ACTR2: variants seen among roughly 807,000 people sequenced by gnomAD.
ACTR2 encodes the protein actin related protein 2.
Under a neutral mutation model 50.2 loss-of-function variants are expected in ACTR2, and 5 were observed. The observed-to-expected ratio is 0.10, with a 90% CI of 0.05 to 0.21. ACTR2 has a LOEUF of 0.21. Ranked by LOEUF, ACTR2 falls within the 10% of genes least tolerant of loss-of-function variation. The probability of loss-of-function intolerance (pLI) is 1.00; values close to 1 mark genes in which losing one functional copy is unlikely to be tolerated. For missense variants in ACTR2, 180 were observed against 480.6 expected, an observed-to-expected ratio of 0.37 and a Z score of 5.85; for synonymous variants, 140 against 162.9, an observed-to-expected ratio of 0.86 and a Z score of 1.07.
chr2:65,247,438 A>C (rs1169465719), intron 3 of ACTR2, among the ~76,000 whole-genome samples: 1 of 151,954 alleles, frequency 6.6e-6, no homozygotes, highest in African/African-American at 2.4e-5. Flanking sequence ...AATACAAAAA[A>C]TTAGCCGGGC....
In ACTR2 at chr2:65,255,532, T is replaced by C; in HGVS notation, c.586-13T>C. ...AGATGTATTATGAACTTATTGCTAT[T>C]GTTTTGTACCAGCTACTTCTGTTGC... On this transcript the variant is annotated splice_polypyrimidine_tract_variant and intron_variant, in intron 5 of 8. Coordinates refer to ENST00000260641, the MANE Select transcript of ACTR2 (RefSeq NM_005722.4). 1 of 1,608,576 alleles carries C rather than the reference T, an allele frequency of 6.2e-7. No homozygotes were observed. Among genetic ancestry groups the C allele is most frequent in the Non-Finnish European group, 8.5e-7 (1 of 1,177,006 alleles).
At chr2:65,265,534 T>G (rs1181033739) in intron 8 of ACTR2, among the ~76,000 whole-genome samples, 1 of 152,248 alleles carries the variant, frequency 6.6e-6, no homozygotes, top group African/African-American at 2.4e-5. Flanking sequence ...GGATATGCAA[T>G]CAGCCTTCAG....
chr2:65,257,299 A>C (rs186628042), intron 6 of ACTR2, among the ~76,000 whole-genome samples: 1 of 152,124 alleles, frequency 6.6e-6, no homozygotes, highest in African/African-American at 2.4e-5. Context: ...TTATGGCTGC[A>C]TAGTATTCCA....
intron 1 of ACTR2, among the ~76,000 whole-genome samples, chr2:65,235,795 C>G (rs1382839859): frequency 1.3e-5 from 2 of 152,030 alleles, no homozygotes; most frequent in Non-Finnish European, 2.9e-5. Context: ...TTGTATTATA[C>G]TTTTAGAAAT....
intron 7 of ACTR2, among the ~76,000 whole-genome samples, chr2:65,264,496 A>G (rs555965936): frequency 6.6e-6 from 1 of 152,320 alleles, no homozygotes; most frequent in African/African-American, 2.4e-5. Context: ...GATCTCATAG[A>G]TATCAGAATA....
intron 3 of ACTR2, among the ~76,000 whole-genome samples, chr2:65,250,014 T>A (rs1220690774): frequency 6.6e-6 from 1 of 152,186 alleles, no homozygotes; most frequent in Non-Finnish European, 1.5e-5. Flanking sequence ...TGGCCCAGAT[T>A]GAGGGAGGGG....
At chr2:65,237,657 C>G (rs1671765801) in intron 1 of ACTR2, among the ~76,000 whole-genome samples, 1 of 152,090 alleles carries the variant, frequency 6.6e-6, no homozygotes. Flanking sequence ...TCCAGACCAG[C>G]CCGTGCAACA....
intron 2 of ACTR2, among the ~76,000 whole-genome samples, chr2:65,243,112 C>G (rs1248493027): frequency 6.6e-6 from 1 of 152,062 alleles, no homozygotes; most frequent in Admixed American, 6.6e-5. Context: ...AGCCCCATCT[C>G]TACTAAAAAT....
chr2:65,264,432 G>A (rs1450784014), intron 7 of ACTR2, among the ~76,000 whole-genome samples: 2 of 152,114 alleles, frequency 1.3e-5, no homozygotes, highest in African/African-American at 2.4e-5. Flanking sequence ...TCAGACCCTC[G>A]CTCAGATTCT....
At chr2:65,264,054 T>C (rs1399323151) in intron 7 of ACTR2, among the ~76,000 whole-genome samples, 1 of 151,964 alleles carries the variant, frequency 6.6e-6, no homozygotes, top group Admixed American at 6.6e-5. Context: ...GACTCTGTAT[T>C]AAAAAATAAA....
chr2:65,239,746 A>C lies in ACTR2; in HGVS notation c.49-106A>C, dbSNP rs1156234282. The C allele has an allele frequency of 5.2e-6, 4 of 763,004 alleles. No homozygotes were observed. The African/African-American group carries it at 7.0e-5, about 13-fold the overall frequency. 47.3% of individuals were successfully genotyped at this position (763,004 alleles called of 1,614,324 possible). ...CTTCGGGTGGACTGAAAGCACCAAA[A>C]GTTTAAAATGTTATATAAATGCAAA... is the stretch of plus-strand genomic sequence containing the variant. On this transcript the variant is annotated intron_variant, in intron 1 of 8. Transcript: ENST00000260641.
At chr2:65,256,681 G>T (rs1672154563) in intron 6 of ACTR2, among the ~76,000 whole-genome samples, 1 of 152,116 alleles carries the variant, frequency 6.6e-6, no homozygotes, top group Non-Finnish European at 1.5e-5. Context: ...AGAACAGCCT[G>T]GCCAACATGG....
At chr2:65,251,743 A>T (rs1199443033) in intron 4 of ACTR2, among the ~76,000 whole-genome samples, 2 of 152,214 alleles carry the variant, frequency 1.3e-5, no homozygotes, top group African/African-American at 4.8e-5. Context: ...TCAAAAAGGT[A>T]GCATAAAATC....
In ACTR2 at chr2:65,239,939, A is replaced by G; in HGVS notation, c.136A>G (p.Lys46Glu). 2 of 1,608,926 alleles carry G rather than the reference A, an allele frequency of 1.2e-6. No individual in the cohort carries two copies. Among genetic ancestry groups the G allele is most frequent in the Non-Finnish European group, 1.7e-6 (2 of 1,175,436 alleles). Residue 46 changes from lysine (K) to glutamate (E), a missense_variant, in exon 2 of 9, where the codon AAA (lysine) becomes GAA (glutamate). Lys to Glu is a moderately conservative substitution (Grantham distance 56). Coordinates refer to ENST00000260641, the MANE Select transcript of ACTR2 (RefSeq NM_005722.4). ...VGRPIIRSTT[K>E]VGNIEIKDLM... is the part of the protein sequence containing the mutation. ...AAGACCTATTATCAGATCAACCACC[A>G]AAGTGGGAAACATTGAAATCAAGGT...
At chr2:65,257,411 T>G (rs1485511788) in intron 6 of ACTR2, among the ~76,000 whole-genome samples, 1 of 152,200 alleles carries the variant, frequency 6.6e-6, no homozygotes, top group South Asian at 2.1e-4. Context: ...AGTAAACATA[T>G]GTGTGCATGT....
intron 1 of ACTR2, among the ~76,000 whole-genome samples, chr2:65,238,655 TA>T (rs34932093): frequency 0.38 from 41,015 of 107,552 alleles, 6,779 homozygotes; most frequent in African/African-American, 0.49. Context: ...CGAGACTGTC[TA>T]AAAAAAAAAA....
chr2:65,257,514 G>A (rs1409282357), intron 6 of ACTR2, among the ~76,000 whole-genome samples: 2 of 152,178 alleles, frequency 1.3e-5, no homozygotes, highest in African/African-American at 4.8e-5. Context: ...AGATCCTTGA[G>A]GAATCACCAC....
intron 5 of ACTR2, among the ~76,000 whole-genome samples, chr2:65,254,092 CTAA>C (rs1249556005): frequency 6.6e-6 from 1 of 152,138 alleles, no homozygotes. Context: ...TCTCTGTATA[CTAA>C]TGAGAGTACA....
chr2:65,249,509 G>A (rs1376140668), intron 3 of ACTR2, among the ~76,000 whole-genome samples: 1 of 152,116 alleles, frequency 6.6e-6, no homozygotes, highest in African/African-American at 2.4e-5. Flanking sequence ...CTGTGGAGGT[G>A]GAATAAAGGA....
Sources: gnomAD v4.1 joint callset for allele counts (sites outside exome capture counted in the v4.1 genomes callset) on GRCh38, gnomAD v4.1.1 for gene constraint, MANE v1.5 for transcripts, NCBI Gene and HGNC (gene_info 2026-07-23, HGNC 2026-07-21) for gene names.